Variants in CSF1R observed in about 807,000 individuals in gnomAD.
CSF1R encodes the protein macrophage colony-stimulating factor 1 receptor.
Under a neutral mutation model 110.0 loss-of-function variants are expected in CSF1R, and 40 were observed. The ratio of observed to expected loss-of-function variants is 0.36; its 90% CI spans 0.28 to 0.47. CSF1R has a LOEUF of 0.47. Ranked by LOEUF, CSF1R falls within the 20% of genes least tolerant of loss-of-function variation. CSF1R has a pLI of 0.99. For missense variants in CSF1R, 1,052 were observed against 1,253.0 expected, an observed-to-expected ratio of 0.84 and a Z score of 2.42; for synonymous variants, 523 against 503.4, an observed-to-expected ratio of 1.04 and a Z score of -0.52.
chr5:150,054,323 C>G lies in CSF1R; in HGVS notation c.2762G>C (p.Arg921Pro), dbSNP rs56059682. Residue 921 changes from arginine (R) to proline (P), a missense_variant and splice_region_variant, in exon 20 of 21, where the codon CGG becomes CCG. Physicochemically the swap from Arg to Pro is moderately radical, Grantham distance 103. Around this residue, in one of 5 missense-constraint regions of CSF1R, gnomAD observed 85 missense variants for 78.8 expected, o/e 1.08. Coordinates refer to ENST00000675795, the MANE Select transcript of CSF1R (RefSeq NM_001288705.3). ...QEQAQEDRRE[R>P]DYTNLPSSSR... ...CACCCCAAGCCTCACCCCACTCACC[C>G]GCTCTCTCCTGTCCTCTTGGGCCTG... 34 of 1,614,056 alleles carry G rather than the reference C, an allele frequency of 2.1e-5. No individual in the cohort carries two copies. The African/African-American group carries it at 3.3e-4, about 16-fold the overall frequency.
At chr5:150,054,909 G>C in intron 19 of CSF1R, 1 of 283,086 alleles carries the variant, frequency 3.5e-6, no homozygotes, top group Non-Finnish European at 6.6e-6. Context: ...AGGATTGCTT[G>C]AGCCCTGAAG....
intron 10 of CSF1R, among the ~76,000 whole-genome samples, chr5:150,064,931 A>G (rs1757693305): frequency 6.6e-6 from 1 of 152,176 alleles, no homozygotes; most frequent in South Asian, 2.1e-4. Flanking sequence ...GTCTACCCAG[A>G]GGCAGCCTCT....
intron 14 of CSF1R, among the ~76,000 whole-genome samples, chr5:150,059,207 G>T (rs984591708): frequency 3.3e-5 from 5 of 152,152 alleles, no homozygotes; most frequent in Admixed American, 2.0e-4. Context: ...ACCACGCCCG[G>T]CTAATTTTGT....
intron 1 of CSF1R, among the ~76,000 whole-genome samples, chr5:150,112,106 T>A (rs913252154): frequency 1.3e-5 from 2 of 152,236 alleles, no homozygotes; most frequent in Non-Finnish European, 2.9e-5. Flanking sequence ...TACCCACCCG[T>A]TTCTGGCTAT....
At chr5:150,076,102 A>G (rs909022269) in intron 5 of CSF1R, among the ~76,000 whole-genome samples, 27 of 152,230 alleles carry the variant, frequency 1.8e-4, no homozygotes, top group African/African-American at 5.8e-4. Flanking sequence ...CCTGCACCCA[A>G]TCACCATAGC....
chr5:150,083,088 C>T (rs1758626347), intron 1 of CSF1R, among the ~76,000 whole-genome samples: 1 of 152,074 alleles, frequency 6.6e-6, no homozygotes. Flanking sequence ...AGGCTGATAC[C>T]CGCAACTTCC....
chr5:150,105,342 TGTCTCAAA>T (rs1759514242), intron 1 of CSF1R, among the ~76,000 whole-genome samples: 1 of 105,958 alleles, frequency 9.4e-6, no homozygotes, highest in African/African-American at 3.8e-5. Context: ...AGAGAGACTC[TGTCTCAAA>T]AAAAAAAAAA....
chr5:150,088,479 A>T (rs1318560633), upstream of CSF1R, among the ~76,000 whole-genome samples: 4 of 152,208 alleles, frequency 2.6e-5, no homozygotes, highest in Non-Finnish European at 5.9e-5. Context: ...GCATGAATAT[A>T]GAAAGCAAAA....
At chr5:150,066,251 C>T (rs184047048) in intron 10 of CSF1R, among the ~76,000 whole-genome samples, 34 of 152,276 alleles carry the variant, frequency 2.2e-4, no homozygotes, top group East Asian at 1.4e-3. Context: ...TCCAGCACCC[C>T]GCTCAGTCCT....
At chr5:150,084,386 AGAAAGAAGGAAGGAAGGAAG>A (rs1263255303) in intron 1 of CSF1R, among the ~76,000 whole-genome samples, 206 of 45,316 alleles carry the variant, frequency 4.5e-3, no homozygotes, top group Non-Finnish European at 5.7e-3. Flanking sequence ...AAAGAAAGAA[AGAAAGAAGGAAGGAAGGAAG>A]GAAGGAAGGA....
chr5:150,068,865 G>C (rs957175230), intron 9 of CSF1R, among the ~76,000 whole-genome samples: 1 of 152,216 alleles, frequency 6.6e-6, no homozygotes, highest in Non-Finnish European at 1.5e-5. Context: ...TAGTTCTAGT[G>C]ATGTTTTGGA....
intron 9 of CSF1R, among the ~76,000 whole-genome samples, chr5:150,069,607 T>G (rs1053252820): frequency 6.6e-6 from 1 of 152,022 alleles, no homozygotes; most frequent in Admixed American, 6.5e-5. Context: ...TGAGTTAGAG[T>G]GCAGGGACAA....
chr5:150,076,254 C>T (rs1290605552), intron 5 of CSF1R, among the ~76,000 whole-genome samples: 1 of 152,200 alleles, frequency 6.6e-6, no homozygotes, highest in Non-Finnish European at 1.5e-5. Context: ...ACTGAGCCTT[C>T]TCAGATACTA....
chr5:150,054,534 G>C (rs1757102378), intron 19 of CSF1R, 104 bp from the exon 20 acceptor site: 1 of 873,238 alleles, frequency 1.1e-6, no homozygotes, highest in African/African-American at 1.7e-5. Flanking sequence ...CCCAAACCCA[G>C]TCAAAGTAAG....
At chr5:150,058,421 A>G (rs1757349468) in intron 14 of CSF1R, 1 of 417,012 alleles carries the variant, frequency 2.4e-6, no homozygotes, top group Non-Finnish European at 4.8e-6. Context: ...TCCATATTCT[A>G]GTGTTCCCAG....
rs281860278 is a variant in CSF1R at position 150,055,288 on chromosome 5, A to C, written c.2603T>G (p.Leu868Arg). Reference protein sequence around the residue: ...GILVNSKFYKLVKDGYQMAQP... With the variant: ...GILVNSKFYKRVKDGYQMAQP... Reference sequence around the variant, plus strand: ...GGCCATTTGGTATCCATCCTTCACCAGTTTATAGAACTTGCTGTTCACCAG... The same window carrying C: ...GGCCATTTGGTATCCATCCTTCACCCGTTTATAGAACTTGCTGTTCACCAG... The change falls in exon 19 of 21, where the codon CTG (leucine) becomes CGG (arginine). Residue 868 changes from leucine (L) to arginine (R), a missense_variant. Coordinates refer to ENST00000675795, the MANE Select transcript of CSF1R (RefSeq NM_001288705.3). The C allele has an allele frequency of 1.3e-4, 207 of 1,614,060 alleles. No individual in the cohort carries two copies. Among genetic ancestry groups the C allele is most frequent in the Non-Finnish European group, 1.6e-4 (184 of 1,180,024 alleles).
intron 1 of CSF1R, among the ~76,000 whole-genome samples, chr5:150,083,032 G>A (rs79366161): frequency 0.013 from 1,931 of 152,150 alleles, 40 homozygotes; most frequent in African/African-American, 0.043. Flanking sequence ...AGCGGTGTCT[G>A]CCCTATTTTG....
At chr5:150,075,181 G>A (rs1357566720) in intron 5 of CSF1R, among the ~76,000 whole-genome samples, 1 of 152,082 alleles carries the variant, frequency 6.6e-6, no homozygotes, top group Non-Finnish European at 1.5e-5. Context: ...AGCTTTTGGG[G>A]GCAAGGCTTT....
At chr5:150,054,505 G>A in intron 19 of CSF1R, 75 bp from the exon 20 acceptor site, 1 of 1,259,678 alleles carries the variant, frequency 7.9e-7, no homozygotes, top group Non-Finnish European at 1.1e-6. Context: ...CCCCTAGAGA[G>A]ACCTACCCAG....
Sources: allele counts gnomAD v4.1 joint callset (sites outside exome capture counted in the v4.1 genomes callset), GRCh38; gene constraint gnomAD v4.1.1; regional missense constraint gnomAD v4.1.1; transcripts MANE v1.5; gene names NCBI Gene and HGNC (gene_info 2026-07-23, HGNC 2026-07-21).